The following VDR variants were observed in gnomAD, a reference collection of about 807,000 sequenced individuals.
The protein encoded by VDR is vitamin D receptor.
In VDR, 19 loss-of-function variants were observed where a neutral mutation model predicts 39.7. The ratio of observed to expected loss-of-function variants is 0.48; its 90% CI spans 0.33 to 0.70. The LOEUF is 0.70. VDR is among the 30% of genes least tolerant of loss of function. The pLI is 0.02. For synonymous variants in VDR, 242 were observed against 215.8 expected (o/e 1.12, Z -1.07); for missense variants, 442 against 570.5 (o/e 0.77, Z 2.29).
chr12:47,856,635 A>AG (rs1338319066), intron 6 of VDR, among the ~76,000 whole-genome samples: 36 of 151,544 alleles, frequency 2.4e-4, no homozygotes, highest in African/African-American at 7.3e-4. Flanking sequence ...AAAAAAAAAA[A>AG]AAAAGAAAGG....
At chr12:47,862,866 T>C (rs758582542) in intron 4 of VDR, among the ~76,000 whole-genome samples, 19 of 152,232 alleles carry the variant, frequency 1.2e-4, no homozygotes, top group Non-Finnish European at 2.2e-4. Flanking sequence ...CAGTCTTCCC[T>C]TCAGGAAAGT....
chr12:47,845,084 C>T, intron 9 of VDR, 79 bp from the exon 10 acceptor site: 11 of 1,594,278 alleles, frequency 6.9e-6, no homozygotes, highest in Middle Eastern at 2.2e-4. Flanking sequence ...CACCCCCCAC[C>T]CACACAGACA....
At chr12:47,852,311 G>A (rs543095408) in intron 7 of VDR, among the ~76,000 whole-genome samples, 3 of 152,342 alleles carry the variant, frequency 2.0e-5, no homozygotes, top group East Asian at 1.9e-4. Flanking sequence ...GATGGAAGCC[G>A]AGTGCTTCTG....
At chr12:47,885,426 C>G (rs1349030814) in intron 1 of VDR, among the ~76,000 whole-genome samples, 1 of 152,274 alleles carries the variant, frequency 6.6e-6, no homozygotes, top group Non-Finnish European at 1.5e-5. Flanking sequence ...CTTGCGGCAG[C>G]TTCTGTTAAA....
chr12:47,846,434 G>C lies in VDR; in HGVS notation c.925C>G (p.Leu309Val). 6.4e-7 allele frequency: 1 copy of C among 1,567,332 alleles called. No individual in the cohort carries two copies. Among genetic ancestry groups the C allele is most frequent in the Non-Finnish European group, 8.7e-7 (1 of 1,155,884 alleles). ...TGGAACTTGATGAGGGGCTCAATCA[G>C]CTCCAGGCTGTGTCCGGCTGTGAGA... Reference protein sequence around the residue: ...DVTKAGHSLELIEPLIKFQVG... With the variant: ...DVTKAGHSLEVIEPLIKFQVG... Residue 309 changes from leucine to valine, a missense_variant, in exon 9 of 10, where the codon CTG (leucine) becomes GTG (valine). Leu to Val is a conservative substitution (Grantham distance 32, BLOSUM62 1). Transcript: ENST00000549336.
At chr12:47,895,079 T>C in intron 1 of VDR, among the ~76,000 whole-genome samples, 1 of 152,244 alleles carries the variant, frequency 6.6e-6, no homozygotes, top group Non-Finnish European at 1.5e-5. Flanking sequence ...TCAAATGTGT[T>C]ATAAAAATTG....
chr12:47,902,237 C>T (rs190995693), intron 1 of VDR, among the ~76,000 whole-genome samples: 1 of 152,354 alleles, frequency 6.6e-6, no homozygotes, highest in Admixed American at 6.5e-5. Flanking sequence ...ATACATTACA[C>T]AGGCACTCTT....
At chr12:47,857,275 A>G (rs770307085) in intron 5 of VDR, 26 bp from the exon 6 acceptor site, 1 of 1,614,006 alleles carries the variant, frequency 6.2e-7, no homozygotes, top group Non-Finnish European at 8.5e-7. Flanking sequence ...GGGGTCTCAG[A>G]CCCACATTTT....
chr12:47,864,528 A>G (rs1250849480), intron 4 of VDR, among the ~76,000 whole-genome samples: 2 of 152,284 alleles, frequency 1.3e-5, no homozygotes, highest in East Asian at 3.9e-4. Context: ...AGAGGCTGGG[A>G]GGCTGGGGTG....
rs759972185 is a variant in VDR at position 47,902,303 on chromosome 12, G to A, written c.-84+2652C>T. The stretch of plus-strand genomic sequence containing the variant: ...GAAAAGGTTAGGGACAAATCAGAGG[G>A]AAGCAAAATGACAAGCAAGGCCTTG... On this transcript the variant is annotated intron_variant, in intron 1 of 9. Transcript: ENST00000549336. Among the ~76,000 whole-genome samples the A allele has an allele frequency of 3.3e-5, 5 of 152,236 alleles. No homozygotes were observed. The South Asian group carries it at 6.2e-4, about 19-fold the overall frequency.
At chr12:47,868,195 T>G (rs1565620268) in intron 3 of VDR, among the ~76,000 whole-genome samples, 1 of 152,228 alleles carries the variant, frequency 6.6e-6, no homozygotes, top group African/African-American at 2.4e-5. Context: ...CTCAGTGAAG[T>G]TGATGCCCCA....
chr12:47,892,708 C>T (rs546321538), intron 1 of VDR, among the ~76,000 whole-genome samples: 2 of 151,400 alleles, frequency 1.3e-5, no homozygotes, highest in African/African-American at 4.9e-5. Context: ...TACAGTCTAC[C>T]GCGGGTTGGG....
intron 3 of VDR, among the ~76,000 whole-genome samples, chr12:47,872,633 T>C (rs1340616950): frequency 3.9e-5 from 6 of 152,184 alleles, no homozygotes; most frequent in African/African-American, 4.8e-5. Context: ...ACCCAGCCTT[T>C]GACCGACATG....
intron 2 of VDR, among the ~76,000 whole-genome samples, chr12:47,881,709 A>C (rs774460370): frequency 1.3e-5 from 2 of 152,206 alleles, no homozygotes; most frequent in Non-Finnish European, 2.9e-5. Context: ...TTTAAAAAAC[A>C]ATTAAAAATA....
chr12:47,884,064 A>AG (rs1946210892), intron 1 of VDR, among the ~76,000 whole-genome samples: 1 of 151,686 alleles, frequency 6.6e-6, no homozygotes, highest in Admixed American at 6.6e-5. Flanking sequence ...AGTCCTTCCC[A>AG]GCTGACCACG....
intron 1 of VDR, among the ~76,000 whole-genome samples, chr12:47,891,426 A>G (rs1468741445): frequency 6.6e-6 from 1 of 152,220 alleles, no homozygotes; most frequent in Non-Finnish European, 1.5e-5. Context: ...GAAGAACTTC[A>G]GGCCCGAGAG....
intron 1 of VDR, among the ~76,000 whole-genome samples, chr12:47,894,068 GCC>G (rs2137239691): frequency 6.6e-6 from 1 of 152,312 alleles, no homozygotes; most frequent in East Asian, 1.9e-4. Context: ...CCCTTCCCCA[GCC>G]CTACCCATTT....
intron 4 of VDR, among the ~76,000 whole-genome samples, chr12:47,859,975 C>T (rs985410149): frequency 7.0e-6 from 1 of 143,510 alleles, no homozygotes; most frequent in Non-Finnish European, 1.5e-5. Flanking sequence ...TTCTTTCTTT[C>T]TTTCTTTCAC....
intron 4 of VDR, among the ~76,000 whole-genome samples, chr12:47,858,623 G>A (rs1401852187): frequency 6.6e-6 from 1 of 152,254 alleles, no homozygotes; most frequent in African/African-American, 2.4e-5. Context: ...GAGCAAAGGT[G>A]CCTGGCACGG....
Sources: gnomAD v4.1 joint callset for allele counts (sites outside exome capture counted in the v4.1 genomes callset) on GRCh38, gnomAD v4.1.1 for gene constraint, MANE v1.5 for transcripts, NCBI Gene and HGNC (gene_info 2026-07-23, HGNC 2026-07-21) for gene names.